FBN2: variants seen among roughly 807,000 people sequenced by gnomAD.
FBN2 encodes fibrillin 2.
Under a neutral mutation model 355.6 loss-of-function variants are expected in FBN2, and 105 were observed. The observed-to-expected ratio is 0.30, with a 90% CI of 0.25 to 0.35. FBN2 has a LOEUF of 0.35. Among genes scored for constraint, FBN2 ranks in the 10% least tolerant of loss-of-function variants. The probability of loss-of-function intolerance (pLI) is 1.00; values close to 1 mark genes in which losing one functional copy is unlikely to be tolerated. For synonymous variants in FBN2, 1,350 were observed against 1,301.2 expected, an observed-to-expected ratio of 1.04 and a Z score of -0.81; for missense variants, 3,280 against 3,758.7, an observed-to-expected ratio of 0.87 and a Z score of 3.33.
In FBN2 at chr5:128,391,929, TA is replaced by T. The variant is rs544103911; in HGVS notation, c.1603+88del. ...GAAATTAGCTGTATTTCAAAAGACT[TA>T]AAAAAATCATATTCATTCCAATTTG... On this transcript the variant is annotated intron_variant, in intron 11 of 64. Transcript: ENST00000262464. 162 of 1,275,830 alleles carry T rather than the reference TA, an allele frequency of 1.3e-4. No homozygotes were observed. The East Asian group carries it at 2.1e-3, about 17-fold the overall frequency. The allele number at this position is 1,275,830 out of a possible 1,614,324, so 79.0% of individuals were successfully genotyped here.
Position 128,305,809 on chromosome 5 carries a change from T to G in FBN2, c.5548+14A>C, listed in dbSNP as rs767667926. On this transcript the variant is annotated intron_variant, in intron 43 of 64. Coordinates refer to ENST00000262464, the MANE Select transcript of FBN2 (RefSeq NM_001999.4). Reference sequence around the variant, plus strand: ...AAATTATACTGGATAAAGGACATACTTTATTCAGATTACCTTCACAAACCA... The same window carrying G: ...AAATTATACTGGATAAAGGACATACGTTATTCAGATTACCTTCACAAACCA... The G allele has an allele frequency of 2.5e-6, 4 of 1,613,892 alleles. No homozygotes were observed. Among genetic ancestry groups the G allele is most frequent in the South Asian group, 2.2e-5 (2 of 91,074 alleles).
At chr5:128,448,553 C>T (rs903802290) in intron 6 of FBN2, among the ~76,000 whole-genome samples, 43 of 151,988 alleles carry the variant, frequency 2.8e-4, no homozygotes, top group African/African-American at 7.0e-4. Context: ...ATGATCTGCC[C>T]GCCTCGGCCT....
At position 128,349,428 on chromosome 5, in the gene FBN2, G is replaced by C. The variant is rs768615186; in HGVS notation, c.2908C>G (p.Arg970Gly). 1 of 1,613,904 alleles carries C rather than the reference G, an allele frequency of 6.2e-7. No individual in the cohort carries two copies. The highest frequency in any genetic ancestry group is 2.2e-5 in the East Asian group (1 of 44,878). Residue 970 changes from arginine to glycine, a missense_variant, in exon 23 of 65, where the codon CGC becomes GGC. By Grantham distance (125) the Arg-to-Gly change is moderately radical. This residue lies in a region of FBN2 where 2,284 missense variants were observed against 2,749.5 expected (regional missense o/e 0.83). Coordinates refer to ENST00000262464, the MANE Select transcript of FBN2 (RefSeq NM_001999.4). ...AAAGATCCCTTACTGTTGACACAGC[G>C]TCCATTTGGACAAACGCCAGGGAAC... ...EVFPGVCPNG[R>G]CVNSKGSFHC...
chr5:128,395,924 C>T (rs1275898854), intron 8 of FBN2, among the ~76,000 whole-genome samples: 1 of 152,122 alleles, frequency 6.6e-6, no homozygotes, highest in African/African-American at 2.4e-5. Flanking sequence ...TGGAGATTTC[C>T]TGGATGGTTA....
rs774621173 is a variant in FBN2, at chr5:128,395,134, C to A, written c.1219G>T (p.Val407Phe). ...GIGTIPEACP[V>F]RGSEEYRRLC... ...GCCAGCCACGTACCAGAACCTCTGA[C>A]AGGACAGGCTTCAGGAATGGTTCCG... is the stretch of plus-strand genomic sequence containing the variant. The change falls in exon 9 of 65, where the codon GTC becomes TTC. Residue 407 changes from valine to phenylalanine, a missense_variant. This residue lies in a region of FBN2 where 343 missense variants were observed against 331.0 expected (regional missense o/e 1.04). Transcript: ENST00000262464. 1.2e-6 allele frequency: 2 copies of A among 1,614,146 alleles called. No individual in the cohort carries two copies. Among genetic ancestry groups the A allele is most frequent in the Non-Finnish European group, 1.7e-6 (2 of 1,180,002 alleles).
intron 19 of FBN2, among the ~76,000 whole-genome samples, chr5:128,361,393 A>G (rs1751634606): frequency 6.6e-6 from 1 of 152,226 alleles, no homozygotes; most frequent in Admixed American, 6.5e-5. Context: ...TGGTTCTGAA[A>G]AGAGGAAAAC....
intron 55 of FBN2, among the ~76,000 whole-genome samples, chr5:128,284,767 C>T (rs554490498): frequency 2.0e-5 from 3 of 152,254 alleles, no homozygotes; most frequent in Admixed American, 6.5e-5. Flanking sequence ...GCCTCACCTC[C>T]GGCAGTCTCC....
At chr5:128,444,230 G>A (rs1373367390) in intron 7 of FBN2, among the ~76,000 whole-genome samples, 4 of 151,216 alleles carry the variant, frequency 2.6e-5, no homozygotes, top group African/African-American at 7.3e-5. Flanking sequence ...CCGCCACCGC[G>A]CCCGGCTAAT....
In FBN2 at chr5:128,376,703, C is replaced by G. The variant is rs779236315; in HGVS notation, c.1972+28G>C. 1.8e-5 allele frequency: 29 copies of G among 1,612,920 alleles called. No homozygotes were observed. The Admixed American group carries it at 4.8e-4, about 27-fold the overall frequency. On this transcript the variant is annotated intron_variant, in intron 14 of 64. Transcript: ENST00000262464. ...TAAAAAAGGTGGTTTCAATCATGGT[C>G]ACTTTCCTATCTGAAAGCCACACAT...
chr5:128,290,920 T>C, intron 49 of FBN2, 36 bp from the exon 50 acceptor site: 3 of 1,588,634 alleles, frequency 1.9e-6, no homozygotes, highest in Non-Finnish European at 2.6e-6. Flanking sequence ...ATGGAATTAT[T>C]TTGTAACACT....
intron 8 of FBN2, among the ~76,000 whole-genome samples, chr5:128,405,606 TTTTG>T (rs1336319887): frequency 2.6e-5 from 4 of 152,336 alleles, no homozygotes; most frequent in Admixed American, 2.6e-4. Context: ...TGAATGCAAG[TTTTG>T]TTTGACTAGA....
chr5:128,474,864 C>T lies in FBN2; in HGVS notation c.629-9943G>A, dbSNP rs568462774. On this transcript the variant is annotated intron_variant, in intron 5 of 64. Coordinates refer to ENST00000262464, the MANE Select transcript of FBN2 (RefSeq NM_001999.4). The stretch of plus-strand genomic sequence containing the variant: ...CCAGCAAATGCCATGTGATTCATTA[C>T]TGGGGTTGTCGTTACTTGAGAATTC... 2.6e-5 allele frequency among the ~76,000 whole-genome samples: 4 copies of T among 152,326 alleles called. No individual in the cohort carries two copies. In the East Asian group the frequency reaches 7.7e-4, roughly 29 times the overall value.
At chr5:128,480,352 C>T (rs1160373381) in intron 5 of FBN2, among the ~76,000 whole-genome samples, 1 of 151,782 alleles carries the variant, frequency 6.6e-6, no homozygotes, top group African/African-American at 2.4e-5. Flanking sequence ...CACAGGGCTG[C>T]AGTCAGACAG....
intron 62 of FBN2, among the ~76,000 whole-genome samples, chr5:128,267,665 G>GC (rs1765151676): frequency 7.4e-6 from 1 of 135,756 alleles, no homozygotes; most frequent in African/African-American, 3.6e-5. Context: ...TTTTGATAGG[G>GC]TTTTTGTATT....
At chr5:128,284,441 C>A (rs187808336) in intron 55 of FBN2, among the ~76,000 whole-genome samples, 1 of 152,186 alleles carries the variant, frequency 6.6e-6, no homozygotes, top group African/African-American at 2.4e-5. Context: ...TATTTGCCTA[C>A]CTTTAGACCC....
In FBN2 at chr5:128,305,550, C is replaced by T. The variant is rs1451521701; in HGVS notation, c.5635G>A (p.Ala1879Thr). 2.5e-6 allele frequency: 4 copies of T among 1,613,916 alleles called. No homozygotes were observed. The highest frequency in any genetic ancestry group is 3.4e-6 in the Non-Finnish European group (4 of 1,179,950). ...NSPGSYRCEC[A>T]AGFKLSPNGA... The stretch of plus-strand genomic sequence containing the variant: ...TTGGGTGAAAGTTTGAAACCCGCGG[C>T]ACATTCACAGCGGTAACTACCAGGA... The change falls in exon 44 of 65, where the codon GCC becomes ACC. Residue 1879 changes from alanine to threonine, a missense_variant. This residue lies in a region of FBN2 where 2,284 missense variants were observed against 2,749.5 expected (regional missense o/e 0.83). Coordinates refer to ENST00000262464, the MANE Select transcript of FBN2 (RefSeq NM_001999.4).
At chr5:128,476,604 T>C (rs1755010645) in intron 5 of FBN2, among the ~76,000 whole-genome samples, 1 of 151,124 alleles carries the variant, frequency 6.6e-6, no homozygotes, top group Non-Finnish European at 1.5e-5. Flanking sequence ...CTAAAAAATA[T>C]AGTGAAATAA....
intron 62 of FBN2, among the ~76,000 whole-genome samples, 158 bp from the exon 63 acceptor site, chr5:128,263,814 GA>G: frequency 6.6e-6 from 1 of 152,174 alleles, no homozygotes; most frequent in Middle Eastern, 3.4e-3. Flanking sequence ...GCACGTGAAT[GA>G]AAAAAATTCC....
At chr5:128,332,071 A>G (rs906425116) in intron 32 of FBN2, among the ~76,000 whole-genome samples, 1 of 152,242 alleles carries the variant, frequency 6.6e-6, no homozygotes, top group African/African-American at 2.4e-5. Context: ...TAGTCAGTAC[A>G]TAAACTTTTG....
Sources: allele counts gnomAD v4.1 joint callset (sites outside exome capture counted in the v4.1 genomes callset), GRCh38; gene constraint gnomAD v4.1.1; regional missense constraint gnomAD v4.1.1; transcripts MANE v1.5; gene names NCBI Gene and HGNC (gene_info 2026-07-23, HGNC 2026-07-21).